VRK3: variants seen among roughly 807,000 people sequenced by gnomAD.
The protein encoded by VRK3 is VRK serine/threonine kinase 3, also known as serine/threonine-protein kinase VRK3.
A neutral mutation model predicts 60.4 loss-of-function variants in VRK3; 50 were observed. That is an observed-to-expected ratio of 0.83 (90% CI 0.66 to 1.05). VRK3 has a LOEUF of 1.05. Ranked by LOEUF, VRK3 falls within the 50% of genes least tolerant of loss-of-function variation. The pLI, the probability that VRK3 is intolerant of heterozygous loss-of-function variation, is 0.00. For missense variants in VRK3, 549 were observed against 585.3 expected (o/e 0.94, Z 0.64); for synonymous variants, 246 against 227.8 (o/e 1.08, Z -0.72).
intron 5 of VRK3, among the ~76,000 whole-genome samples, chr19:50,003,458 G>A (rs1246440597): frequency 6.6e-6 from 1 of 152,242 alleles, no homozygotes; most frequent in African/African-American, 2.4e-5. Context: ...CTCACGGGCA[G>A]CTCTCCCAAG....
intron 5 of VRK3, among the ~76,000 whole-genome samples, chr19:50,001,942 A>C (rs2122294707): frequency 6.6e-6 from 1 of 151,886 alleles, no homozygotes; most frequent in Admixed American, 6.6e-5. Flanking sequence ...ATCCCCCTTC[A>C]CGCACACTGC....
rs1326458831 is a variant in VRK3 at position 50,000,866 on chromosome 19, C to G, written c.548-12G>C. On this transcript the variant is annotated splice_polypyrimidine_tract_variant and intron_variant, in intron 5 of 14. Transcript: ENST00000316763. ...GGAGGTGGGTGCAGCTGTGGGGGAA[C>G]AAACAAGGGAGTGAGGTTATAACCA... The G allele has an allele frequency of 6.2e-7, 1 of 1,612,508 alleles. No homozygotes were observed. Among genetic ancestry groups the G allele is most frequent in the Non-Finnish European group, 8.5e-7 (1 of 1,179,334 alleles).
At position 50,016,120 on chromosome 19, in the gene VRK3, C is replaced by A. The variant is rs1426631103; in HGVS notation, c.43G>T (p.Ala15Ser). 2.5e-6 allele frequency: 4 copies of A among 1,614,206 alleles called. No homozygotes were observed. Among genetic ancestry groups the A allele is most frequent in the Non-Finnish European group, 3.4e-6 (4 of 1,180,042 alleles). ...CPDCGKSIQA[A>S]FKFCPYCGNS... Reference sequence around the variant, plus strand: ...CCACAGTAGGGGCAGAATTTGAATGCCGCTTGGATACTTTTGCCACAGTCT... The same window carrying A: ...CCACAGTAGGGGCAGAATTTGAATGACGCTTGGATACTTTTGCCACAGTCT... The change falls in exon 3 of 15, where the codon GCA (alanine) becomes TCA (serine). Residue 15 changes from alanine (A) to serine (S), a missense_variant. Ala to Ser is a moderately conservative substitution (Grantham distance 99, BLOSUM62 1). Transcript: ENST00000316763.
chr19:50,018,588 C>A (rs2077113198), intron 2 of VRK3, among the ~76,000 whole-genome samples: 1 of 152,220 alleles, frequency 6.6e-6, no homozygotes, highest in Admixed American at 6.5e-5. Flanking sequence ...ATCTGGACTG[C>A]AAAGGCTGTT....
intron 5 of VRK3, among the ~76,000 whole-genome samples, chr19:50,002,865 C>T (rs1002383633): frequency 6.6e-6 from 1 of 152,154 alleles, no homozygotes; most frequent in Non-Finnish European, 1.5e-5. Context: ...AAGACCAGGG[C>T]GTGGCATGCA....
intron 5 of VRK3, among the ~76,000 whole-genome samples, chr19:50,002,420 G>C (rs538672299): frequency 2.5e-4 from 38 of 152,204 alleles, no homozygotes; most frequent in African/African-American, 8.7e-4. Context: ...GAGAGCACTG[G>C]GGGGATCATG....
At chr19:49,983,170 A>C (rs1600652770) in intron 12 of VRK3, among the ~76,000 whole-genome samples, 2 of 91,004 alleles carry the variant, frequency 2.2e-5, no homozygotes, top group Non-Finnish European at 4.2e-5. Context: ...CACACTGGCC[A>C]CCCTCTGACT....
In VRK3 at chr19:49,989,660, T is replaced by TGCTAATGAACTCAAGGTCCCC. The variant is rs752832154; in HGVS notation, c.1054_1074dup (p.Gly352_Ser358dup). 7 of 1,613,322 alleles carry TGCTAATGAACTCAAGGTCCCC rather than the reference T, an allele frequency of 4.3e-6. No individual in the cohort carries two copies. The African/African-American group carries it at 9.3e-5, about 22-fold the overall frequency. ...GTACCGCATCCCTTGTGCAGGTCCA[T>TGCTAATGAACTCAAGGTCCCC]GCTAATGAACTCAAGGTCCCCCTCG... On this transcript the variant is annotated inframe_insertion, in exon 11 of 15. Coordinates refer to ENST00000316763, the MANE Select transcript of VRK3 (RefSeq NM_016440.4).
Position 50,016,172 on chromosome 19 carries a change from C to G in VRK3, c.-1-9G>C. On this transcript the variant is annotated splice_polypyrimidine_tract_variant and intron_variant, in intron 2 of 14. Coordinates refer to ENST00000316763, the MANE Select transcript of VRK3 (RefSeq NM_016440.4). ...GACAGAAGGAGATCATGCTACAAAA[C>G]AGAATGAACAAACACAAAGTGAAAC... The G allele has an allele frequency of 1.2e-6, 2 of 1,613,862 alleles. No individual in the cohort carries two copies. Among genetic ancestry groups the G allele is most frequent in the South Asian group, 1.1e-5 (1 of 91,082 alleles).
At chr19:50,002,937 G>A (rs2076833536) in intron 5 of VRK3, among the ~76,000 whole-genome samples, 2 of 152,248 alleles carry the variant, frequency 1.3e-5, no homozygotes, top group South Asian at 4.1e-4. Flanking sequence ...CAGGAGCACT[G>A]TTCTGGGACC....
chr19:50,009,883 G>C (rs59977614), intron 3 of VRK3, among the ~76,000 whole-genome samples: 7,986 of 152,026 alleles, frequency 0.053, 693 homozygotes, highest in African/African-American at 0.18. Context: ...TCAAGTGATC[G>C]GCCAGCCTCA....
At chr19:50,002,954 G>A (rs759585846) in intron 5 of VRK3, among the ~76,000 whole-genome samples, 40 of 152,312 alleles carry the variant, frequency 2.6e-4, no homozygotes, top group Non-Finnish European at 5.0e-4. Flanking sequence ...GACCCATCCT[G>A]ACCCTAACAC....
intron 3 of VRK3, among the ~76,000 whole-genome samples, chr19:50,010,451 T>C (rs998675727): frequency 1.3e-5 from 2 of 152,174 alleles, no homozygotes. Flanking sequence ...TCCCTGATGT[T>C]TGTCTTTAAA....
At chr19:50,013,092 G>A (rs1161045197) in intron 3 of VRK3, among the ~76,000 whole-genome samples, 5 of 152,006 alleles carry the variant, frequency 3.3e-5, no homozygotes, top group Admixed American at 6.6e-5. Context: ...GAGAGAACCC[G>A]GGAGGTGGAG....
chr19:50,021,790 CACTT>C (rs1258219197), intron 1 of VRK3, among the ~76,000 whole-genome samples: 1 of 152,244 alleles, frequency 6.6e-6, no homozygotes, highest in Non-Finnish European at 1.5e-5. Context: ...TCAAGTCACT[CACTT>C]AAGACGGTTC....
chr19:50,017,574 C>CAAA (rs1321466617), intron 2 of VRK3, among the ~76,000 whole-genome samples: 3 of 39,172 alleles, frequency 7.7e-5, no homozygotes, highest in Non-Finnish European at 1.7e-4. Context: ...AACTCTGCCT[C>CAAA]AAAAAAAAAA....
At position 49,992,841 on chromosome 19, in the gene VRK3, G is replaced by C; in HGVS notation, c.963+19C>G. Reference sequence around the variant, plus strand: ...CTGAGCCCAGAGATCTTCCAGAGTGGGCAGGAGCTGGCTCTTACCTGACTC... The same window carrying C: ...CTGAGCCCAGAGATCTTCCAGAGTGCGCAGGAGCTGGCTCTTACCTGACTC... On this transcript the variant is annotated intron_variant, in intron 10 of 14. Coordinates refer to ENST00000316763, the MANE Select transcript of VRK3 (RefSeq NM_016440.4). The C allele has an allele frequency of 6.2e-7, 1 of 1,612,112 alleles. No individual in the cohort carries two copies. Among genetic ancestry groups the C allele is most frequent in the Non-Finnish European group, 8.5e-7 (1 of 1,178,262 alleles).
chr19:49,990,193 A>C (rs2076586279), intron 10 of VRK3, among the ~76,000 whole-genome samples: 1 of 152,162 alleles, frequency 6.6e-6, no homozygotes, highest in African/African-American at 2.4e-5. Flanking sequence ...TTCAAATGCC[A>C]ACTCAGCCCG....
chr19:50,001,005 A>G, intron 5 of VRK3, 151 bp from the exon 6 acceptor site: 1 of 642,038 alleles, frequency 1.6e-6, no homozygotes, highest in Non-Finnish European at 2.7e-6. Context: ...GCTGCTTCCT[A>G]GTTTTAAATA....
Sources: allele counts gnomAD v4.1 joint callset (sites outside exome capture counted in the v4.1 genomes callset), GRCh38; gene constraint gnomAD v4.1.1; transcripts MANE v1.5; gene names NCBI Gene and HGNC (gene_info 2026-07-23, HGNC 2026-07-21).